ERICH1: variants seen among roughly 807,000 people sequenced by gnomAD.
ERICH1 encodes glutamate-rich protein 1.
ERICH1 carries 56 observed loss-of-function variants against 39.6 expected under a neutral mutation model. The ratio of observed to expected loss-of-function variants is 1.41; its 90% CI spans 1.14 to 1.77. The LOEUF (loss-of-function observed/expected upper bound fraction) is 1.77, where lower values mean the gene tolerates loss of function less well. Ranked by LOEUF, ERICH1 falls within the 40% of genes most tolerant of loss-of-function variation. ERICH1 has a pLI of 0.00. For synonymous variants in ERICH1, 313 were observed against 223.6 expected, an observed-to-expected ratio of 1.40 and a Z score of -3.57; for missense variants, 826 against 575.4, an observed-to-expected ratio of 1.44 and a Z score of -4.45.
intron 2 of ERICH1, among the ~76,000 whole-genome samples, chr8:713,678 G>T (rs1464778367): frequency 3.3e-5 from 5 of 152,188 alleles, no homozygotes; most frequent in African/African-American, 9.7e-5. Context: ...AGTCAATGGA[G>T]ATCTGACCTG....
chr8:700,154 C>G (rs1341994565), intron 2 of ERICH1, among the ~76,000 whole-genome samples: 21 of 129,386 alleles, frequency 1.6e-4, no homozygotes, highest in Non-Finnish European at 2.1e-4. Flanking sequence ...GGCGCACAGA[C>G]CCGCACACGC....
At chr8:704,973 A>T (rs986633067) in intron 2 of ERICH1, among the ~76,000 whole-genome samples, 8 of 152,248 alleles carry the variant, frequency 5.3e-5, no homozygotes, top group Non-Finnish European at 1.2e-4. Context: ...AAAAAAGTTC[A>T]ATATGGGCTC....
chr8:679,714 G>A (rs915777069), intron 3 of ERICH1, among the ~76,000 whole-genome samples: 5 of 152,248 alleles, frequency 3.3e-5, no homozygotes, highest in African/African-American at 1.2e-4. Context: ...ATGTTGAAAT[G>A]CTGAAAGCCT....
chr8:669,965 C>T (rs1028877985), intron 4 of ERICH1, among the ~76,000 whole-genome samples: 8 of 152,150 alleles, frequency 5.3e-5, no homozygotes, highest in African/African-American at 9.7e-5. Context: ...GTCACATCTC[C>T]GTCCTGCCCC....
intron 3 of ERICH1, among the ~76,000 whole-genome samples, chr8:632,699 C>A (rs1798119883): frequency 6.6e-6 from 1 of 152,224 alleles, no homozygotes; most frequent in South Asian, 2.1e-4. Context: ...CGCTCAGTCC[C>A]ACCAGTGCTC....
At chr8:692,872 C>T (rs953299494) in intron 2 of ERICH1, among the ~76,000 whole-genome samples, 1 of 152,180 alleles carries the variant, frequency 6.6e-6, no homozygotes, top group Non-Finnish European at 1.5e-5. Flanking sequence ...ACTTATTATG[C>T]AAACTTCTGG....
At chr8:711,684 A>T (rs558661666) in intron 2 of ERICH1, among the ~76,000 whole-genome samples, 18 of 152,170 alleles carry the variant, frequency 1.2e-4, no homozygotes, top group Admixed American at 1.0e-3. Context: ...TTTTTATTAG[A>T]GACAGGGTTT....
intron 1 of ERICH1, among the ~76,000 whole-genome samples, chr8:724,029 C>A (rs912815758): frequency 6.6e-6 from 1 of 152,128 alleles, no homozygotes; most frequent in African/African-American, 2.4e-5. Flanking sequence ...CAGAAGTGGG[C>A]AAGCTTTCTG....
chr8:690,465 G>A (rs552065462), intron 3 of ERICH1, among the ~76,000 whole-genome samples: 2 of 152,360 alleles, frequency 1.3e-5, no homozygotes, highest in East Asian at 3.9e-4. Flanking sequence ...AAGACAAAGG[G>A]CAGGCCCTCA....
Position 664,638 on chromosome 8 carries a change from T to C in ERICH1, c.1297A>G (p.Ile433Val). The C allele has an allele frequency of 6.2e-7, 1 of 1,613,074 alleles. No homozygotes were observed. Among genetic ancestry groups the C allele is most frequent in the Non-Finnish European group, 8.5e-7 (1 of 1,179,736 alleles). The change falls in exon 6 of 6, where the codon ATC becomes GTC. Residue 433 changes from isoleucine to valine, a missense_variant. Transcript: ENST00000262109. Reference sequence around the variant, plus strand: ...CTCTTCTCAGGAAGGATATGTGTGATCCAGTAACTAAAGAAAGCTGAGATT... The same window carrying C: ...CTCTTCTCAGGAAGGATATGTGTGACCCAGTAACTAAAGAAAGCTGAGATT... ...RVISAFFSYW[I>V]THILPEKSSD
intron 1 of ERICH1, among the ~76,000 whole-genome samples, chr8:729,303 C>A (rs1253748331): frequency 6.6e-6 from 1 of 152,204 alleles, no homozygotes; most frequent in Non-Finnish European, 1.5e-5. Flanking sequence ...CAGCGCCCAA[C>A]CCCCACCTGC....
intron 3 of ERICH1, among the ~76,000 whole-genome samples, chr8:638,304 G>A (rs1421898991): frequency 1.3e-5 from 2 of 152,236 alleles, no homozygotes; most frequent in African/African-American, 4.8e-5. Flanking sequence ...GGGGCTCGAT[G>A]GGAAGCTCAG....
At chr8:680,851 C>T (rs886275371) in intron 3 of ERICH1, among the ~76,000 whole-genome samples, 1 of 152,212 alleles carries the variant, frequency 6.6e-6, no homozygotes, top group African/African-American at 2.4e-5. Context: ...ACCACCTGGC[C>T]CCACTTCTGT....
chr8:615,649 A>T (rs779425901), intron 3 of ERICH1: 97 of 183,108 alleles, frequency 5.3e-4, no homozygotes, highest in Admixed American at 1.7e-3. Flanking sequence ...TTGGAAATCA[A>T]CTTAATGGAC....
intron 3 of ERICH1, among the ~76,000 whole-genome samples, chr8:689,148 G>A (rs1247769164): frequency 6.6e-6 from 1 of 152,076 alleles, no homozygotes; most frequent in African/African-American, 2.4e-5. Context: ...TTCTCGCTCT[G>A]TTGCCCAGGC....
rs556866585 is a variant in ERICH1, at chr8:720,347, C to T, written c.23-4340G>A. ...ACGCTGAGGTACCCACGATGAAGGA[C>T]GAGGACGCATGCTGGCACCGCGCCA... On this transcript the variant is annotated intron_variant, in intron 1 of 5. Transcript: ENST00000262109. Among the ~76,000 whole-genome samples the T allele has an allele frequency of 2.1e-3, 322 of 152,300 alleles. 3 individuals carry two copies. The highest frequency in any genetic ancestry group is 3.9e-3 in the Non-Finnish European group (262 of 68,030).
rs576266026 is a variant in ERICH1, at chr8:708,105, G to T, written c.169+7756C>A. On this transcript the variant is annotated intron_variant, in intron 2 of 5. Coordinates refer to ENST00000262109, the MANE Select transcript of ERICH1 (RefSeq NM_207332.3). Reference sequence around the variant, plus strand: ...TGAGATACCACTTCACACCTCCTAGGGTGGCTATTATCTAAAAAAAAAAAT... The same window carrying T: ...TGAGATACCACTTCACACCTCCTAGTGTGGCTATTATCTAAAAAAAAAAAT... 2.7e-5 allele frequency among the ~76,000 whole-genome samples: 4 copies of T among 149,966 alleles called. No homozygotes were observed. The South Asian group carries it at 8.6e-4, about 32-fold the overall frequency.
At chr8:687,333 A>G (rs1563262117) in intron 3 of ERICH1, among the ~76,000 whole-genome samples, 1 of 152,218 alleles carries the variant, frequency 6.6e-6, no homozygotes, top group Non-Finnish European at 1.5e-5. Flanking sequence ...TAATCATTCA[A>G]CGCAGTTCAC....
intron 1 of ERICH1, among the ~76,000 whole-genome samples, chr8:727,560 G>A (rs952065664): frequency 6.6e-6 from 1 of 152,216 alleles, no homozygotes; most frequent in Non-Finnish European, 1.5e-5. Flanking sequence ...ACCTGCAAGG[G>A]CGAGTGAAGC....
Sources: gnomAD v4.1 joint callset for allele counts (sites outside exome capture counted in the v4.1 genomes callset) on GRCh38, gnomAD v4.1.1 for gene constraint, MANE v1.5 for transcripts, NCBI Gene and HGNC (gene_info 2026-07-23, HGNC 2026-07-21) for gene names.